CHMP3: variants seen among roughly 807,000 people sequenced by gnomAD.
The protein encoded by CHMP3 is 25.1 protein.
A neutral mutation model predicts 27.4 loss-of-function variants in CHMP3; 8 were observed. The ratio of observed to expected loss-of-function variants is 0.29; its 90% CI spans 0.17 to 0.53. The LOEUF (loss-of-function observed/expected upper bound fraction) is 0.53. Among genes scored for constraint, CHMP3 ranks in the 20% least tolerant of loss-of-function variants. CHMP3 has a pLI of 0.96. For synonymous variants in CHMP3, 86 were observed against 85.5 expected, an observed-to-expected ratio of 1.01 and a Z score of -0.03; for missense variants, 208 against 271.5, an observed-to-expected ratio of 0.77 and a Z score of 1.64.
In CHMP3 at chr2:86,536,245, G is replaced by A. The variant is rs544162686; in HGVS notation, c.106+6007C>T. On this transcript the variant is annotated intron_variant, in intron 2 of 5. Coordinates refer to ENST00000263856, the MANE Select transcript of CHMP3 (RefSeq NM_016079.4). ...GATCTCCTGACCTCGTGATCCGCCC[G>A]CCTCGGCCTCCCAAAGTGCTGGGAT... Among the ~76,000 whole-genome samples, 10 of 151,474 alleles carry A rather than the reference G, an allele frequency of 6.6e-5. No homozygotes were observed. In the South Asian group the frequency reaches 1.2e-3, roughly 19 times the overall value.
chr2:86,562,965 G>C (rs960988822), intron 1 of CHMP3: 1 of 235,908 alleles, frequency 4.2e-6, no homozygotes, highest in Non-Finnish European at 8.2e-6. Context: ...TGGGGCCTAC[G>C]CTGGGAAAAG....
Position 86,516,103 on chromosome 2 carries a change from G to A in CHMP3, c.287-5624C>T, listed in dbSNP as rs375270700. Among the ~76,000 whole-genome samples, 19 of 136,300 alleles carry A rather than the reference G, an allele frequency of 1.4e-4. No homozygotes were observed. In the South Asian group the frequency reaches 2.5e-3, roughly 18 times the overall value. 89.4% of individuals were successfully genotyped at this position (136,300 alleles called of 152,430 possible). On this transcript the variant is annotated intron_variant, in intron 3 of 5. Coordinates refer to ENST00000263856, the MANE Select transcript of CHMP3 (RefSeq NM_016079.4). The stretch of plus-strand genomic sequence containing the variant: ...GCGGAGACTGCAGTGAGCCGAGATC[G>A]CACCACTGCACTCCAGCCTGGCGAC...
chr2:86,547,340 T>C (rs1676651708), intron 1 of CHMP3, among the ~76,000 whole-genome samples: 1 of 152,264 alleles, frequency 6.6e-6, no homozygotes, highest in Non-Finnish European at 1.5e-5. Context: ...TCAGAAACTT[T>C]CTATGTATGT....
At chr2:86,541,954 C>T (rs1416225391) in intron 2 of CHMP3, among the ~76,000 whole-genome samples, 1 of 152,120 alleles carries the variant, frequency 6.6e-6, no homozygotes, top group East Asian at 1.9e-4. Context: ...AGAGCAGTGA[C>T]AATGAAATTG....
intron 1 of CHMP3, chr2:86,562,739 T>G (rs1253494664): frequency 6.6e-6 from 1 of 152,330 alleles, no homozygotes; most frequent in African/African-American, 2.4e-5. Context: ...AGAGCTATCT[T>G]CTGTAACATT....
chr2:86,531,794 A>G (rs1205998829), intron 2 of CHMP3, among the ~76,000 whole-genome samples: 1 of 152,216 alleles, frequency 6.6e-6, no homozygotes, highest in African/African-American at 2.4e-5. Flanking sequence ...GTTTTTCTGG[A>G]TACCTATTTC....
At chr2:86,513,743 G>C (rs1262593828) in intron 3 of CHMP3, among the ~76,000 whole-genome samples, 1 of 152,236 alleles carries the variant, frequency 6.6e-6, no homozygotes, top group Admixed American at 6.5e-5. Context: ...CTGCATTCAA[G>C]ATTGCCATTT....
intron 1 of CHMP3, among the ~76,000 whole-genome samples, chr2:86,554,951 A>G (rs1418839968): frequency 6.6e-6 from 1 of 151,332 alleles, no homozygotes; most frequent in Non-Finnish European, 1.5e-5. Flanking sequence ...TGTTCAAGCA[A>G]TTCTCCTGCC....
At chr2:86,531,197 T>C (rs1675904329) in intron 2 of CHMP3, among the ~76,000 whole-genome samples, 1 of 152,070 alleles carries the variant, frequency 6.6e-6, no homozygotes, top group Non-Finnish European at 1.5e-5. Context: ...TTTGTAGAGA[T>C]GGGGTTTCGC....
At chr2:86,516,146 C>CAAA (rs35800757) in intron 3 of CHMP3, among the ~76,000 whole-genome samples, 5 of 83,622 alleles carry the variant, frequency 6.0e-5, no homozygotes, top group Admixed American at 1.4e-4. Context: ...GACTCCATCT[C>CAAA]AAAAAAAAAA....
At chr2:86,562,067 C>T (rs1677392522) in intron 1 of CHMP3, 2 of 152,172 alleles carry the variant, frequency 1.3e-5, no homozygotes, top group Admixed American at 1.3e-4. Context: ...ATTTAAGCGC[C>T]ACAATTTTTA....
intron 2 of CHMP3, among the ~76,000 whole-genome samples, chr2:86,533,808 T>G (rs1272945343): frequency 8.5e-5 from 13 of 152,202 alleles, no homozygotes. Flanking sequence ...TCATTCTTAA[T>G]GTAAGCATTT....
At chr2:86,519,357 C>T (rs556281257) in intron 3 of CHMP3, among the ~76,000 whole-genome samples, 68 of 130,116 alleles carry the variant, frequency 5.2e-4, no homozygotes, top group African/African-American at 1.7e-3. Context: ...AAGAGCAAAA[C>T]TTCATCTCAA....
intron 2 of CHMP3, among the ~76,000 whole-genome samples, chr2:86,538,343 T>C (rs563683383): frequency 2.6e-5 from 4 of 152,304 alleles, no homozygotes; most frequent in South Asian, 2.1e-4. Flanking sequence ...TGGAGATGGA[T>C]AGTGGTGATG....
chr2:86,554,685 C>T (rs1677042722), intron 1 of CHMP3, among the ~76,000 whole-genome samples: 1 of 152,094 alleles, frequency 6.6e-6, no homozygotes, highest in Non-Finnish European at 1.5e-5. Context: ...CCAAAAATTT[C>T]CCTTGTACAT....
intron 2 of CHMP3, among the ~76,000 whole-genome samples, chr2:86,532,246 T>G (rs1474929053): frequency 1.3e-5 from 2 of 152,202 alleles, no homozygotes; most frequent in Non-Finnish European, 2.9e-5. Flanking sequence ...CCTTTTCAGA[T>G]TGTCCATCGT....
chr2:86,546,879 T>C (rs140577013), intron 1 of CHMP3, among the ~76,000 whole-genome samples: 257 of 152,374 alleles, frequency 1.7e-3, no homozygotes, highest in Non-Finnish European at 2.8e-3. Flanking sequence ...CTGATAGTAG[T>C]AGACCCTTTA....
intron 3 of CHMP3, among the ~76,000 whole-genome samples, chr2:86,521,523 G>A (rs765286187): frequency 3.3e-5 from 5 of 151,980 alleles, no homozygotes; most frequent in East Asian, 1.9e-4. Context: ...AACCATCACC[G>A]CCATCCATCT....
intron 3 of CHMP3, among the ~76,000 whole-genome samples, chr2:86,524,716 G>A (rs1033662952): frequency 4.6e-5 from 7 of 152,154 alleles, no homozygotes; most frequent in Non-Finnish European, 1.0e-4. Flanking sequence ...GATTCCCAGA[G>A]GAAAATATAG....
Sources: allele counts gnomAD v4.1 joint callset (sites outside exome capture counted in the v4.1 genomes callset), GRCh38; gene constraint gnomAD v4.1.1; transcripts MANE v1.5; gene names NCBI Gene and HGNC (gene_info 2026-07-23, HGNC 2026-07-21).